Variants in GPHN observed in about 807,000 individuals in gnomAD.
GPHN encodes the protein gephyrin.
GPHN carries 17 observed loss-of-function variants against 95.5 expected under a neutral mutation model. That is an observed-to-expected ratio of 0.18 (90% CI 0.12 to 0.27). GPHN has a LOEUF of 0.27. Ranked by LOEUF, GPHN falls within the 10% of genes least tolerant of loss-of-function variation. The probability of loss-of-function intolerance (pLI) is 1.00; values close to 1 mark genes in which losing one functional copy is unlikely to be tolerated. For synonymous variants in GPHN, 320 were observed against 322.5 expected (o/e 0.99, Z 0.08); for missense variants, 660 against 978.1 (o/e 0.67, Z 4.34).
intron 9 of GPHN, among the ~76,000 whole-genome samples, chr14:66,995,963 A>T (rs1019403696): frequency 8.0e-6 from 1 of 125,598 alleles, no homozygotes; most frequent in Non-Finnish European, 1.5e-5. Context: ...CATCTCCATC[A>T]TGGATTTTTT....
chr14:66,700,791 C>G (rs1023806044), intron 2 of GPHN, among the ~76,000 whole-genome samples: 1 of 152,026 alleles, frequency 6.6e-6, no homozygotes, highest in African/African-American at 2.4e-5. Context: ...GGCGTGGTGG[C>G]GTGCGCCTAT....
At chr14:67,037,935 G>A (rs1235706343) in intron 10 of GPHN, among the ~76,000 whole-genome samples, 2 of 151,904 alleles carry the variant, frequency 1.3e-5, no homozygotes, top group Non-Finnish European at 2.9e-5. Context: ...CATATGATCT[G>A]TCAGTCTCAC....
chr14:67,559,542 C>T, the GPHN span: 12 of 1,163,876 alleles, frequency 1.0e-5, no homozygotes, highest in Non-Finnish European at 1.4e-5. Context: ...TTGGGGTTTC[C>T]CACCTCCAGT....
the GPHN span, chr14:67,208,268 G>C: frequency 1.2e-6 from 2 of 1,614,024 alleles, no homozygotes; most frequent in South Asian, 1.1e-5. Context: ...TGAGTTGAAA[G>C]AATCCTCAAA....
the GPHN span, among the ~76,000 whole-genome samples, chr14:67,227,891 C>T: frequency 2.0e-3 from 309 of 152,060 alleles, no homozygotes; most frequent in African/African-American, 7.0e-3. Flanking sequence ...GTTTCTTGGC[C>T]GGGTGCGGTG....
chr14:66,819,070 A>G (rs1033675141), intron 3 of GPHN, among the ~76,000 whole-genome samples: 5 of 152,052 alleles, frequency 3.3e-5, no homozygotes, highest in African/African-American at 4.8e-5. Flanking sequence ...TTCTGTTGCT[A>G]TAAAGAAGCT....
At chr14:67,341,247 G>A in the GPHN span, among the ~76,000 whole-genome samples, 6 of 150,116 alleles carry the variant, frequency 4.0e-5, no homozygotes, top group African/African-American at 4.9e-5. Flanking sequence ...CTGCCCGGCC[G>A]CCCATCGTCT....
At chr14:67,161,013 G>A (rs1442349363) in intron 19 of GPHN, among the ~76,000 whole-genome samples, 3 of 152,208 alleles carry the variant, frequency 2.0e-5, no homozygotes, top group Non-Finnish European at 4.4e-5. Context: ...AATTGGGGCT[G>A]GGCATGGTGG....
the GPHN span, chr14:67,569,324 T>C: frequency 7.0e-6 from 5 of 715,814 alleles, no homozygotes; most frequent in Admixed American, 1.2e-4. Flanking sequence ...TTGGCTGGCC[T>C]ACCCTGTTCC....
rs562105641 is a variant in GPHN, at chr14:66,590,337, C to G, written c.64+81746C>G. 1.0e-4 allele frequency among the ~76,000 whole-genome samples: 15 copies of G among 150,214 alleles called. No homozygotes were observed. The East Asian group carries it at 1.6e-3, about 16-fold the overall frequency. The stretch of plus-strand genomic sequence containing the variant: ...ATAACTAAGATGAGAGCTAGAGACA[C>G]AAAAATCCCTTCAAAAAATCAATGA... On this transcript the variant is annotated intron_variant, in intron 1 of 22. Coordinates refer to ENST00000478722, the MANE Select transcript of GPHN (RefSeq NM_020806.5).
At chr14:66,662,386 C>T (rs572390534) in intron 1 of GPHN, among the ~76,000 whole-genome samples, 4 of 151,864 alleles carry the variant, frequency 2.6e-5, no homozygotes, top group East Asian at 1.9e-4. Context: ...AAACCTAAGG[C>T]GACTAGGGAC....
intron 2 of GPHN, among the ~76,000 whole-genome samples, chr14:66,699,451 TTAATC>T (rs1174405642): frequency 2.0e-5 from 3 of 152,108 alleles, no homozygotes; most frequent in Non-Finnish European, 4.4e-5. Flanking sequence ...GCTGGATAAT[TTAATC>T]AGGGAATGCT....
At chr14:67,169,265 G>A (rs1271675437) in intron 21 of GPHN, 6 of 569,584 alleles carry the variant, frequency 1.1e-5, no homozygotes, top group African/African-American at 1.9e-5. Context: ...GTCCATATAC[G>A]AGTCCAGAGA....
intron 11 of GPHN, among the ~76,000 whole-genome samples, chr14:67,063,858 ACAAT>A (rs1164593231): frequency 6.6e-6 from 1 of 152,216 alleles, no homozygotes; most frequent in Non-Finnish European, 1.5e-5. Flanking sequence ...TTCTAAATAG[ACAAT>A]CATGTCATCT....
At chr14:66,887,473 G>C (rs1047418282) in intron 5 of GPHN, among the ~76,000 whole-genome samples, 5 of 152,312 alleles carry the variant, frequency 3.3e-5, no homozygotes, top group African/African-American at 1.2e-4. Context: ...TATAGTCCCA[G>C]CTGAGGCAGG....
At chr14:66,649,319 G>A (rs1318952128) in intron 1 of GPHN, among the ~76,000 whole-genome samples, 1 of 151,926 alleles carries the variant, frequency 6.6e-6, no homozygotes, top group Non-Finnish European at 1.5e-5. Context: ...GAGCAACAGA[G>A]TGAGACTCCA....
chr14:66,510,682 G>A (rs2139674513), intron 1 of GPHN, among the ~76,000 whole-genome samples: 1 of 152,284 alleles, frequency 6.6e-6, no homozygotes, highest in Non-Finnish European at 1.5e-5. Context: ...ACTAGGTCAA[G>A]AAGAAACTGT....
the GPHN span, among the ~76,000 whole-genome samples, chr14:67,622,156 ACT>A: frequency 2.0e-4 from 31 of 152,108 alleles, no homozygotes; most frequent in East Asian, 5.4e-3. Context: ...ATGTTTCTAG[ACT>A]CTGTTCAAGG....
chr14:67,224,281 CAG>C, the GPHN span, among the ~76,000 whole-genome samples: 1 of 139,008 alleles, frequency 7.2e-6, no homozygotes, highest in Non-Finnish European at 1.5e-5. Context: ...TTTTTTGAGA[CAG>C]AGTCTTACTC....
Sources: allele counts gnomAD v4.1 joint callset (sites outside exome capture counted in the v4.1 genomes callset), GRCh38; gene constraint gnomAD v4.1.1; transcripts MANE v1.5; gene names NCBI Gene and HGNC (gene_info 2026-07-23, HGNC 2026-07-21).